ZMYM2: variants seen among roughly 807,000 people sequenced by gnomAD.
The protein encoded by ZMYM2 is zinc finger MYM-type protein 2.
A neutral mutation model predicts 162.8 loss-of-function variants in ZMYM2; 56 were observed. The ratio of observed to expected loss-of-function variants is 0.34; its 90% confidence interval spans 0.28 to 0.43. The LOEUF is 0.43. Among genes scored for constraint, ZMYM2 ranks in the 20% least tolerant of loss-of-function variants. ZMYM2 has a pLI of 1.00. For missense variants in ZMYM2, 1,275 were observed against 1,621.8 expected (o/e 0.79, Z 3.67); for synonymous variants, 510 against 541.6 (o/e 0.94, Z 0.81).
the ZMYM2 span, among the ~76,000 whole-genome samples, chr13:19,938,831 A>C: frequency 2.0e-5 from 3 of 152,096 alleles, no homozygotes; most frequent in South Asian, 6.2e-4. Context: ...ACCTGATGTT[A>C]ATCAATCAAT....
chr13:19,932,349 T>C, the ZMYM2 span, among the ~76,000 whole-genome samples: 1 of 152,048 alleles, frequency 6.6e-6, no homozygotes, highest in African/African-American at 2.4e-5. Flanking sequence ...AGCGCACTTA[T>C]AAGAATAGAC....
intron 3 of ZMYM2, among the ~76,000 whole-genome samples, chr13:19,996,484 T>G (rs1488584799): frequency 6.6e-6 from 1 of 152,002 alleles, no homozygotes; most frequent in African/African-American, 2.4e-5. Context: ...CTCAGCATTT[T>G]GGGAGGTCAA....
the ZMYM2 span, among the ~76,000 whole-genome samples, chr13:19,883,692 A>G: frequency 2.0e-5 from 3 of 152,194 alleles, no homozygotes; most frequent in Non-Finnish European, 2.9e-5. Flanking sequence ...ATTAGGCCCT[A>G]TGAATTAAAC....
the ZMYM2 span, among the ~76,000 whole-genome samples, chr13:19,866,721 C>T: frequency 1.3e-5 from 2 of 152,016 alleles, no homozygotes; most frequent in Admixed American, 6.6e-5. Context: ...CATAGTGGGA[C>T]CCAGTCTCTA....
At chr13:19,884,224 C>T in the ZMYM2 span, among the ~76,000 whole-genome samples, 1 of 152,002 alleles carries the variant, frequency 6.6e-6, no homozygotes, top group Non-Finnish European at 1.5e-5. Flanking sequence ...TAAAAATTAG[C>T]CAAGCACAGT....
intron 2 of ZMYM2, among the ~76,000 whole-genome samples, chr13:19,983,397 C>T (rs1416933723): frequency 1.3e-5 from 2 of 152,050 alleles, no homozygotes; most frequent in African/African-American, 2.4e-5. Context: ...CCGCCTCCCT[C>T]GGCCTCCCAA....
chr13:19,997,567 A>ATG (rs1950108289), intron 3 of ZMYM2, among the ~76,000 whole-genome samples: 1 of 152,140 alleles, frequency 6.6e-6, no homozygotes, highest in African/African-American at 2.4e-5. Context: ...AACTTACAGA[A>ATG]ATACATTGTA....
chr13:20,010,914 T>A (rs753083817), intron 6 of ZMYM2, among the ~76,000 whole-genome samples: 4 of 152,180 alleles, frequency 2.6e-5, no homozygotes, highest in Admixed American at 2.6e-4. Flanking sequence ...GCTGGGATTA[T>A]AGGCATGAGC....
At chr13:20,023,806 A>C (rs561617754) in intron 7 of ZMYM2, among the ~76,000 whole-genome samples, 4 of 152,216 alleles carry the variant, frequency 2.6e-5, no homozygotes, top group African/African-American at 9.6e-5. Flanking sequence ...GCATAAAATT[A>C]TATTTCCCTT....
At chr13:19,915,450 T>C in the ZMYM2 span, among the ~76,000 whole-genome samples, 1 of 151,990 alleles carries the variant, frequency 6.6e-6, no homozygotes, top group African/African-American at 2.4e-5. Flanking sequence ...TTCCTTTCTT[T>C]CTTTCTCTTA....
In ZMYM2 at chr13:20,083,690, T is replaced by C. The variant is rs1958054083; in HGVS notation, c.3855T>C (p.Asp1285=). The C allele has an allele frequency of 4.5e-6, 7 of 1,568,906 alleles. No homozygotes were observed. The East Asian group carries it at 1.6e-4, about 36-fold the overall frequency. ...KITTGKRKHE[D]DEPVFEQIEN... Reference sequence around the variant, plus strand: ...CTACTGGAAAAAGAAAACATGAAGATGATGAGCCAGTATTTGAACAAATTG... The same window carrying C: ...CTACTGGAAAAAGAAAACATGAAGACGATGAGCCAGTATTTGAACAAATTG... Residue 1285 remains aspartate (D), a synonymous_variant, in exon 24 of 25, where the codon GAT becomes GAC. Transcript: ENST00000610343.
intron 14 of ZMYM2, among the ~76,000 whole-genome samples, chr13:20,057,965 G>T (rs1476876003): frequency 6.6e-6 from 1 of 152,100 alleles, no homozygotes; most frequent in Non-Finnish European, 1.5e-5. Context: ...TTTATGTGGG[G>T]TTTTGTCTTG....
intron 2 of ZMYM2, among the ~76,000 whole-genome samples, chr13:19,966,126 GTTTTTGTTTT>G (rs1951124676): frequency 7.3e-6 from 1 of 137,082 alleles, no homozygotes; most frequent in Non-Finnish European, 1.5e-5. Context: ...TTTTTTTTTT[GTTTTTGTTTT>G]GTTTTGTTTT....
chr13:20,001,394 G>A (rs551930598), intron 3 of ZMYM2, among the ~76,000 whole-genome samples: 3,323 of 106,708 alleles, frequency 0.031, no homozygotes, highest in African/African-American at 0.039. Context: ...TGTCTCAAAA[G>A]AAAAAAAAAA....
intron 9 of ZMYM2, among the ~76,000 whole-genome samples, chr13:20,030,126 A>G (rs1485224572): frequency 6.6e-6 from 1 of 152,110 alleles, no homozygotes; most frequent in Non-Finnish European, 1.5e-5. Flanking sequence ...AAAAAAAGGA[A>G]TAGTAAAATT....
intron 2 of ZMYM2, among the ~76,000 whole-genome samples, chr13:19,966,116 T>C (rs1394511756): frequency 6.9e-6 from 1 of 145,168 alleles, no homozygotes; most frequent in South Asian, 2.2e-4. Flanking sequence ...ATTTGCTTGT[T>C]TTTTTTTTTG....
Position 19,993,187 on chromosome 13 carries a change from G to A in ZMYM2, c.115G>A (p.Ala39Thr), listed in dbSNP as rs73428008. Residue 39 changes from alanine to threonine, a missense_variant, in exon 3 of 25, where the codon GCT becomes ACT. Physicochemically the swap from Ala to Thr is moderately conservative, Grantham distance 58. Coordinates refer to ENST00000610343, the MANE Select transcript of ZMYM2 (RefSeq NM_197968.4). The part of the protein sequence containing the change: ...TNVGNSFSGP[A>T]NPLVSRSNKF... ...TGTAGGAAACTCATTTAGTGGTCCAGCTAATCCTTTAGTGTCTAGATCTAA... is the reference window on the plus strand; with the variant it reads ...TGTAGGAAACTCATTTAGTGGTCCAACTAATCCTTTAGTGTCTAGATCTAA... The A allele has an allele frequency of 3.7e-5, 60 of 1,614,098 alleles. No individual in the cohort carries two copies. The African/African-American group carries it at 7.5e-4, about 20-fold the overall frequency.
At chr13:19,994,021 T>C (rs367629216) in intron 3 of ZMYM2, 102 bp downstream of exon 3, 11 of 1,241,346 alleles carry the variant, frequency 8.9e-6, no homozygotes, top group African/African-American at 1.5e-5. Context: ...AGTTTCATCA[T>C]GTGAAATATG....
At chr13:20,061,016 T>TTTAATGTTTTGAG in intron 16 of ZMYM2, 37 bp from the exon 17 acceptor site, 1 of 1,566,674 alleles carries the variant, frequency 6.4e-7, no homozygotes, top group Non-Finnish European at 8.7e-7. Flanking sequence ...CCTTTTAATG[T>TTTAATGTTTTGAG]TTAGTAAACC....
Sources: gnomAD v4.1 joint callset for allele counts (sites outside exome capture counted in the v4.1 genomes callset) on GRCh38, gnomAD v4.1.1 for gene constraint, MANE v1.5 for transcripts, NCBI Gene and HGNC (gene_info 2026-07-23, HGNC 2026-07-21) for gene names.